The following LRRC72 variants were observed in gnomAD, a reference collection of about 807,000 sequenced individuals.
LRRC72 encodes leucine-rich repeat-containing protein 72.
LRRC72 carries 41 observed loss-of-function variants against 35.8 expected under a neutral mutation model. That is an observed-to-expected ratio of 1.15 (90% CI 0.89 to 1.49). LRRC72 has a LOEUF of 1.49. Among genes scored for constraint, LRRC72 ranks in the 40% most tolerant of loss-of-function variants. LRRC72 has a pLI of 0.00. For missense variants in LRRC72, 389 were observed against 330.7 expected, an observed-to-expected ratio of 1.18 and a Z score of -1.37; for synonymous variants, 118 against 119.2, an observed-to-expected ratio of 0.99 and a Z score of 0.07.
At position 16,581,367 on chromosome 7, in the gene LRRC72, A is replaced by T. The variant is rs143212544; in HGVS notation, c.742A>T (p.Met248Leu). The T allele has an allele frequency of 1.6e-4, 253 of 1,548,312 alleles. 1 individual carries two copies. In the East Asian group the frequency reaches 5.8e-3, roughly 36 times the overall value. Residue 248 changes from methionine to leucine, a missense_variant, in exon 9 of 9, where the codon ATG becomes TTG. By Grantham distance (15) the Met-to-Leu change is conservative. Coordinates refer to ENST00000401542, the MANE Select transcript of LRRC72 (RefSeq NM_001195280.2). ...DPEDAVFVRS[M>L]KRSVMTLTSM... The stretch of plus-strand genomic sequence containing the variant: ...AGAAGATGCTGTTTTTGTGAGGTCC[A>T]TGAAGAGATCAGTGATGACTTTGAC...
chr7:16,574,392 A>G (rs1260839909), intron 7 of LRRC72, among the ~76,000 whole-genome samples: 1 of 152,208 alleles, frequency 6.6e-6, no homozygotes, highest in Non-Finnish European at 1.5e-5. Context: ...GAGACTTGGA[A>G]CCAACCCAAA....
intron 3 of LRRC72, among the ~76,000 whole-genome samples, chr7:16,551,336 C>T (rs148902675): frequency 1.3e-5 from 2 of 152,204 alleles, no homozygotes; most frequent in East Asian, 1.9e-4. Flanking sequence ...TAGTCCCAGT[C>T]CTCATTTCCT....
intron 2 of LRRC72, among the ~76,000 whole-genome samples, chr7:16,535,281 C>T (rs1196901627): frequency 2.0e-5 from 3 of 152,094 alleles, no homozygotes; most frequent in Admixed American, 6.5e-5. Context: ...CAAAGAGACA[C>T]ACAATTCTGC....
At chr7:16,546,683 C>A (rs1457214778) in intron 3 of LRRC72, among the ~76,000 whole-genome samples, 1 of 152,108 alleles carries the variant, frequency 6.6e-6, no homozygotes, top group East Asian at 1.9e-4. Flanking sequence ...TATTACCTGC[C>A]ATCTCTTGCT....
intron 5 of LRRC72, among the ~76,000 whole-genome samples, chr7:16,564,673 C>A (rs1782798120): frequency 6.6e-6 from 1 of 152,112 alleles, no homozygotes; most frequent in African/African-American, 2.4e-5. Context: ...CCATTGCCTG[C>A]TTTATGTCCC....
chr7:16,578,812 A>G (rs1314260623), intron 7 of LRRC72, among the ~76,000 whole-genome samples: 1 of 152,138 alleles, frequency 6.6e-6, no homozygotes, highest in East Asian at 1.9e-4. Flanking sequence ...TCATTTTTTG[A>G]CAATATGGAT....
rs140412620 is a variant in LRRC72 at position 16,556,588 on chromosome 7, G to A, written c.235-772G>A. On this transcript the variant is annotated intron_variant, in intron 3 of 8. Coordinates refer to ENST00000401542, the MANE Select transcript of LRRC72 (RefSeq NM_001195280.2). ...GTGTATTCAGATTACAGAGCCCATG[G>A]CTAAACTGAGATCTGTTTACTAGAA... 9.2e-5 allele frequency among the ~76,000 whole-genome samples: 14 copies of A among 152,264 alleles called. No individual in the cohort carries two copies. In the East Asian group the frequency reaches 2.7e-3, roughly 29 times the overall value.
intron 3 of LRRC72, among the ~76,000 whole-genome samples, chr7:16,554,676 G>T (rs1046379948): frequency 6.6e-6 from 1 of 152,110 alleles, no homozygotes; most frequent in African/African-American, 2.4e-5. Context: ...AGGTCCTCAT[G>T]ATTTGGCTTT....
intron 2 of LRRC72, among the ~76,000 whole-genome samples, chr7:16,537,413 A>G (rs1782275788): frequency 6.6e-6 from 1 of 152,224 alleles, no homozygotes; most frequent in Non-Finnish European, 1.5e-5. Flanking sequence ...GCTCCCTTTC[A>G]AGTATCAGCT....
At chr7:16,548,681 C>G (rs985252527) in intron 3 of LRRC72, among the ~76,000 whole-genome samples, 1 of 152,238 alleles carries the variant, frequency 6.6e-6, no homozygotes, top group Non-Finnish European at 1.5e-5. Context: ...GTGCCTGGCT[C>G]ACTCTTGACA....
At chr7:16,566,235 A>AT in intron 5 of LRRC72, 78 bp from the exon 6 acceptor site, 4 of 800,236 alleles carry the variant, frequency 5.0e-6, no homozygotes, top group South Asian at 2.4e-5. Context: ...CGAATCTCTT[A>AT]ATTTTTTGTA....
At chr7:16,555,375 G>A (rs1782633008) in intron 3 of LRRC72, among the ~76,000 whole-genome samples, 1 of 152,136 alleles carries the variant, frequency 6.6e-6, no homozygotes, top group Admixed American at 6.5e-5. Flanking sequence ...GATTTGAGAG[G>A]GGCATGAATA....
Position 16,532,559 on chromosome 7 carries a change from T to C in LRRC72, c.155T>C (p.Leu52Pro), listed in dbSNP as rs746869241. The C allele has an allele frequency of 4.5e-6, 7 of 1,548,564 alleles. No homozygotes were observed. In the South Asian group the frequency reaches 7.1e-5, roughly 16 times the overall value. ...GATGCTGATGTCTTTGAGCTGTTCC[T>C]TTCTAAAAAGTAAGTGTACTTAACA... ...RRDADVFELF[L>P]SKKELTEVID... The change falls in exon 2 of 9, where the codon CTT becomes CCT. Residue 52 changes from leucine (L) to proline (P), a missense_variant. Leu to Pro is a moderately conservative substitution (Grantham distance 98, BLOSUM62 -3). Coordinates refer to ENST00000401542, the MANE Select transcript of LRRC72 (RefSeq NM_001195280.2).
chr7:16,533,588 C>A (rs1038051465), intron 2 of LRRC72, among the ~76,000 whole-genome samples: 1 of 151,894 alleles, frequency 6.6e-6, no homozygotes, highest in Non-Finnish European at 1.5e-5. Flanking sequence ...AAAGAAAATG[C>A]CTTAGTTTAT....
At chr7:16,571,560 G>A (rs1302113911) in intron 7 of LRRC72, among the ~76,000 whole-genome samples, 1 of 152,178 alleles carries the variant, frequency 6.6e-6, no homozygotes, top group Non-Finnish European at 1.5e-5. Context: ...AAAGCAGAAT[G>A]GGGTGTCGCC....
chr7:16,527,194 G>A (rs915624306), intron 1 of LRRC72, among the ~76,000 whole-genome samples, 152 bp downstream of exon 1: 4 of 152,162 alleles, frequency 2.6e-5, no homozygotes, highest in Admixed American at 2.6e-4. Flanking sequence ...AAATTAATTG[G>A]TTAACATAAA....
intron 5 of LRRC72, among the ~76,000 whole-genome samples, chr7:16,560,763 G>GA (rs925216532): frequency 1.5e-4 from 23 of 150,732 alleles, no homozygotes; most frequent in African/African-American, 5.4e-4. Context: ...TCTAAAAAAA[G>GA]AAAAAAATTG....
chr7:16,580,568 C>T (rs952319483), intron 8 of LRRC72, among the ~76,000 whole-genome samples: 3 of 152,138 alleles, frequency 2.0e-5, no homozygotes, highest in African/African-American at 7.2e-5. Context: ...CACTTGAACC[C>T]AGGAGGCAGA....
In LRRC72 at chr7:16,532,530, G is replaced by T. The variant is rs1281928578; in HGVS notation, c.126G>T (p.Arg42Ser). The change falls in exon 2 of 9, where the codon AGG becomes AGT. Residue 42 changes from arginine (R) to serine (S), a missense_variant. Physicochemically the swap from Arg to Ser is moderately radical, Grantham distance 110. Coordinates refer to ENST00000401542, the MANE Select transcript of LRRC72 (RefSeq NM_001195280.2). ...VEDQLKICGH[R>S]RDADVFELFL... ...ATCAGCTAAAGATATGTGGCCACAG[G>T]AGGGATGCTGATGTCTTTGAGCTGT... is the stretch of plus-strand genomic sequence containing the variant. 3 of 1,550,212 alleles carry T rather than the reference G, an allele frequency of 1.9e-6. No individual in the cohort carries two copies. In the East Asian group the frequency reaches 7.3e-5, roughly 38 times the overall value.
Sources: allele counts gnomAD v4.1 joint callset (sites outside exome capture counted in the v4.1 genomes callset), GRCh38; gene constraint gnomAD v4.1.1; transcripts MANE v1.5; gene names NCBI Gene and HGNC (gene_info 2026-07-23, HGNC 2026-07-21).